MID2: variants seen among roughly 807,000 people sequenced by gnomAD.
MID2 encodes midline 2, also known as probable E3 ubiquitin-protein ligase MID2.
A neutral mutation model predicts 46.1 loss-of-function variants in MID2; 13 were observed. The ratio of observed to expected loss-of-function variants is 0.28; its 90% CI spans 0.18 to 0.45. MID2 has a LOEUF of 0.45. Among genes scored for constraint, MID2 ranks in the 20% least tolerant of loss-of-function variants. The pLI is 1.00. For missense variants in MID2, 431 were observed against 575.4 expected, an observed-to-expected ratio of 0.75 and a Z score of 2.57; for synonymous variants, 199 against 212.3, an observed-to-expected ratio of 0.94 and a Z score of 0.55.
chrX:107,876,865 C>T (rs981408752), intron 3 of MID2, among the ~76,000 whole-genome samples: 2 of 112,003 alleles, frequency 1.8e-5, no homozygotes, highest in African/African-American at 6.5e-5. Context: ...GAGAGAAGGG[C>T]ACCTGGACCT....
chrX:107,893,709 TC>T (rs1373441812), intron 3 of MID2, among the ~76,000 whole-genome samples: 2 of 112,062 alleles, frequency 1.8e-5, no homozygotes, highest in African/African-American at 6.5e-5. Context: ...TAGACTTGAG[TC>T]TGTCTGGCTC....
chrX:107,826,052 G>C lies in MID2; in HGVS notation c.-375G>C. The C allele has an allele frequency of 3.4e-6, 1 of 295,234 alleles. No individual in the cohort carries two copies. Among genetic ancestry groups the C allele is most frequent in the Non-Finnish European group, 5.9e-6 (1 of 168,900 alleles). The allele number at this position is 295,234 out of a possible 1,213,427, so 24.3% of individuals were successfully genotyped here. Reference sequence around the variant, plus strand: ...TTTGCCCCCACTCCGCCTCCCTTTTGGAAGGGATTGCCTTTTTTTTCCTCT... The same window carrying C: ...TTTGCCCCCACTCCGCCTCCCTTTTCGAAGGGATTGCCTTTTTTTTCCTCT... On this transcript the variant is annotated 5_prime_UTR_variant, in exon 1 of 10. Transcript: ENST00000262843.
chrX:107,905,702 A>G (rs1275672888), intron 5 of MID2, 76 bp downstream of exon 5: 10 of 903,417 alleles, frequency 1.1e-5, no homozygotes, highest in Non-Finnish European at 1.5e-5. Flanking sequence ...AAGTTCAGGC[A>G]TGTATCTAAC....
intron 3 of MID2, among the ~76,000 whole-genome samples, chrX:107,883,185 A>G (rs957635905): frequency 3.6e-5 from 4 of 111,016 alleles, no homozygotes; most frequent in Admixed American, 9.6e-5. Flanking sequence ...GGAACATTAC[A>G]CACTGGGGCC....
intron 1 of MID2, among the ~76,000 whole-genome samples, chrX:107,829,453 C>CA (rs1337363966): frequency 1.8e-5 from 2 of 112,582 alleles, no homozygotes; most frequent in Non-Finnish European, 3.7e-5. Context: ...CTGAGTCAGA[C>CA]TAATTTGAAG....
In MID2 at chrX:107,905,634, C is replaced by T; in HGVS notation, c.1073+8C>T. On this transcript the variant is annotated splice_region_variant and intron_variant, in intron 5 of 9. Coordinates refer to ENST00000262843, the MANE Select transcript of MID2 (RefSeq NM_012216.4). Reference sequence around the variant, plus strand: ...AAAAAATATTGCTGAGAGGTCAGTTCCTTATATTCTTTGGAAATGCCTGCT... The same window carrying T: ...AAAAAATATTGCTGAGAGGTCAGTTTCTTATATTCTTTGGAAATGCCTGCT... The T allele has an allele frequency of 1.7e-6, 2 of 1,165,653 alleles. No homozygotes were observed. Among genetic ancestry groups the T allele is most frequent in the Non-Finnish European group, 2.3e-6 (2 of 871,885 alleles).
At chrX:107,841,502 C>T in intron 2 of MID2, 117 bp downstream of exon 2, 1 of 517,949 alleles carries the variant, frequency 1.9e-6, no homozygotes, top group Admixed American at 3.9e-5. Flanking sequence ...TTAAGTTGTT[C>T]TCATGAGGAA....
chrX:107,912,551 T>C (rs757323127), intron 5 of MID2, among the ~76,000 whole-genome samples: 3 of 111,729 alleles, frequency 2.7e-5, no homozygotes, highest in African/African-American at 9.7e-5. Flanking sequence ...TCTTCCTACT[T>C]TGTTGTTTTT....
chrX:107,837,206 T>C (rs1359751000), intron 1 of MID2, among the ~76,000 whole-genome samples: 1 of 112,158 alleles, frequency 8.9e-6, no homozygotes, highest in Non-Finnish European at 1.9e-5. Flanking sequence ...AAACAAAATT[T>C]AAGAGCTTTT....
chrX:107,838,103 G>A (rs989136264), intron 1 of MID2, among the ~76,000 whole-genome samples: 2 of 112,455 alleles, frequency 1.8e-5, no homozygotes, highest in African/African-American at 6.5e-5. Flanking sequence ...ACATGTAGAT[G>A]AGAGATCTCT....
intron 7 of MID2, among the ~76,000 whole-genome samples, chrX:107,923,509 A>G (rs1312125193): frequency 2.7e-5 from 3 of 112,018 alleles, no homozygotes; most frequent in East Asian, 2.8e-4. Flanking sequence ...CCAGATAACA[A>G]TGTGCTCCTG....
At position 107,904,342 on chromosome X, in the gene MID2, T is replaced by C. The variant is rs190344737; in HGVS notation, c.924+277T>C. Among the ~76,000 whole-genome samples, 7 of 111,837 alleles carry C rather than the reference T, an allele frequency of 6.3e-5. No homozygotes were observed. The East Asian group carries it at 1.1e-3, about 18-fold the overall frequency. ...CACTTAGGATTTGGGTGCTTTACTG[T>C]TGTATGTTATAACTCAATGAAAAGG... On this transcript the variant is annotated intron_variant, in intron 4 of 9. Transcript: ENST00000262843.
At chrX:107,910,286 A>G (rs1268885133) in intron 5 of MID2, among the ~76,000 whole-genome samples, 3 of 111,959 alleles carry the variant, frequency 2.7e-5, no homozygotes, top group Non-Finnish European at 5.6e-5. Flanking sequence ...TTTACTTAGC[A>G]TACATCCTCC....
chrX:107,830,531 T>A (rs1185036305), intron 1 of MID2, among the ~76,000 whole-genome samples: 1 of 112,354 alleles, frequency 8.9e-6, no homozygotes, highest in Non-Finnish European at 1.9e-5. Context: ...AAATATGAGA[T>A]GTAACATGTT....
intron 3 of MID2, among the ~76,000 whole-genome samples, chrX:107,893,750 A>G (rs947950836): frequency 2.7e-5 from 3 of 112,384 alleles, no homozygotes; most frequent in African/African-American, 9.7e-5. Flanking sequence ...ACTGAACCTC[A>G]TTTTATTCAT....
chrX:107,923,200 A>C (rs1486955223), intron 7 of MID2, among the ~76,000 whole-genome samples: 1 of 112,088 alleles, frequency 8.9e-6, no homozygotes, highest in Non-Finnish European at 1.9e-5. Flanking sequence ...TAAATTTTGT[A>C]CTAGAGTTGC....
intron 5 of MID2, among the ~76,000 whole-genome samples, chrX:107,909,358 G>T (rs1197583966): frequency 9.0e-6 from 1 of 111,694 alleles, no homozygotes; most frequent in African/African-American, 3.3e-5. Flanking sequence ...GAGTACCAGG[G>T]ATTGTTCCCT....
chrX:107,926,014 T>A (rs780387144), intron 8 of MID2, 80 bp from the exon 9 acceptor site: 2 of 717,252 alleles, frequency 2.8e-6, no homozygotes, highest in Non-Finnish European at 4.2e-6. Flanking sequence ...ACCCTGCCAG[T>A]GATGATGCTG....
chrX:107,892,869 G>A (rs1233080159), intron 3 of MID2, among the ~76,000 whole-genome samples: 4 of 112,078 alleles, frequency 3.6e-5, no homozygotes, highest in Non-Finnish European at 3.8e-5. Context: ...TCCTTTTTAC[G>A]TGATAAACCT....
Sources: allele counts gnomAD v4.1 joint callset (sites outside exome capture counted in the v4.1 genomes callset), GRCh38; gene constraint gnomAD v4.1.1; transcripts MANE v1.5; gene names NCBI Gene and HGNC (gene_info 2026-07-23, HGNC 2026-07-21).